The following EDA variants were observed in gnomAD, a reference collection of about 807,000 sequenced individuals.
EDA encodes the protein ectodysplasin-A.
Under a neutral mutation model 23.6 loss-of-function variants are expected in EDA, and 2 were observed. That is an observed-to-expected ratio of 0.08 (90% CI 0.03 to 0.27). EDA has a LOEUF of 0.27. Ranked by LOEUF, EDA falls within the 10% of genes least tolerant of loss-of-function variation. The pLI is 1.00. For missense variants in EDA, 229 were observed against 324.2 expected (o/e 0.71, Z 2.26); for synonymous variants, 131 against 132.0 (o/e 0.99, Z 0.05).
intron 1 of EDA, among the ~76,000 whole-genome samples, chrX:69,935,226 A>G: frequency 8.9e-6 from 1 of 111,968 alleles, no homozygotes; most frequent in Non-Finnish European, 1.9e-5. Flanking sequence ...AATCTTGGCT[A>G]TTGTGAATAG....
intron 1 of EDA, among the ~76,000 whole-genome samples, chrX:69,817,907 AC>A (rs1395171564): frequency 1.8e-5 from 2 of 111,804 alleles, no homozygotes; most frequent in African/African-American, 6.5e-5. Context: ...CCACCTCAAA[AC>A]AACAGAGTAT....
intron 1 of EDA, among the ~76,000 whole-genome samples, chrX:69,648,406 C>T (rs1932990273): frequency 1.8e-5 from 2 of 111,978 alleles, no homozygotes; most frequent in Admixed American, 1.9e-4. Flanking sequence ...CTGAAGCCGC[C>T]ACTGGGAGAT....
chrX:70,008,224 C>T (rs1467128916), intron 2 of EDA, among the ~76,000 whole-genome samples: 2 of 111,980 alleles, frequency 1.8e-5, no homozygotes, highest in Non-Finnish European at 1.9e-5. Context: ...AGTTCCTCAC[C>T]ATTAAATTAG....
At chrX:69,755,308 G>A (rs191268066) in intron 1 of EDA, among the ~76,000 whole-genome samples, 2 of 111,796 alleles carry the variant, frequency 1.8e-5, no homozygotes, top group Admixed American at 9.5e-5. Flanking sequence ...CAGGTCTGTT[G>A]GAGTTTGCTG....
intron 2 of EDA, among the ~76,000 whole-genome samples, chrX:69,996,484 A>G (rs1234745737): frequency 8.9e-6 from 1 of 112,463 alleles, no homozygotes; most frequent in Admixed American, 9.4e-5. Context: ...GGTACCTTCA[A>G]TTTGTAAATT....
intron 1 of EDA, among the ~76,000 whole-genome samples, chrX:69,714,233 T>C (rs919279428): frequency 9.9e-5 from 11 of 111,438 alleles, no homozygotes; most frequent in African/African-American, 3.6e-4. Flanking sequence ...AAGTGTCTCT[T>C]CATGTCTTTT....
intron 1 of EDA, among the ~76,000 whole-genome samples, chrX:69,787,090 T>C (rs1397594822): frequency 1.9e-5 from 2 of 103,348 alleles, no homozygotes; most frequent in African/African-American, 6.9e-5. Context: ...TGAAGTCTGT[T>C]TTATCAGAGA....
At chrX:69,791,703 G>A (rs1602413631) in intron 1 of EDA, among the ~76,000 whole-genome samples, 2 of 111,053 alleles carry the variant, frequency 1.8e-5, no homozygotes, top group Non-Finnish European at 3.8e-5. Context: ...GAGTGCAGTG[G>A]TACTGTCTTG....
intron 1 of EDA, among the ~76,000 whole-genome samples, chrX:69,690,392 T>C (rs1390952202): frequency 2.7e-5 from 3 of 111,540 alleles, no homozygotes; most frequent in African/African-American, 9.8e-5. Context: ...TCCATGTGTA[T>C]TGAGATATTC....
chrX:69,901,642 G>A (rs1254040498), intron 1 of EDA, among the ~76,000 whole-genome samples: 1 of 111,690 alleles, frequency 9.0e-6, no homozygotes, highest in Non-Finnish European at 1.9e-5. Context: ...GACCAAGAAA[G>A]GTAATTTTGA....
chrX:70,002,297 T>G (rs2147478206), intron 2 of EDA, among the ~76,000 whole-genome samples: 2 of 110,567 alleles, frequency 1.8e-5, no homozygotes, highest in East Asian at 5.7e-4. Flanking sequence ...TAACCTAGTT[T>G]TTTTTTCAAA....
chrX:69,789,265 C>T (rs1401556384), intron 1 of EDA, among the ~76,000 whole-genome samples: 2 of 112,256 alleles, frequency 1.8e-5, no homozygotes, highest in African/African-American at 3.2e-5. Context: ...GCATCGCTCA[C>T]ACTGGGAGCT....
chrX:69,738,711 A>ATT (rs1194891426), intron 1 of EDA, among the ~76,000 whole-genome samples: 2 of 109,052 alleles, frequency 1.8e-5, no homozygotes, highest in Admixed American at 2.0e-4. Flanking sequence ...ATCTCAAAAT[A>ATT]TTTTCTAATT....
intron 1 of EDA, among the ~76,000 whole-genome samples, chrX:69,645,594 G>GTGTGTGTATATATATA (rs761843083): frequency 0.38 from 18,840 of 49,683 alleles, 4,490 homozygotes; most frequent in East Asian, 0.89. Context: ...TTATATATAT[G>GTGTGTGTATATATATA]TGTGTGTGTA....
chrX:69,669,704 A>T (rs1308504307), intron 1 of EDA, among the ~76,000 whole-genome samples: 1 of 109,215 alleles, frequency 9.2e-6, no homozygotes, highest in Non-Finnish European at 1.9e-5. Flanking sequence ...CACATGGTAC[A>T]TGTGTAGGTT....
chrX:69,871,394 G>C (rs753818736), intron 1 of EDA, among the ~76,000 whole-genome samples: 1 of 111,659 alleles, frequency 9.0e-6, no homozygotes, highest in South Asian at 3.9e-4. Flanking sequence ...ACAATAGGCT[G>C]TCTGCAAACT....
intron 2 of EDA, among the ~76,000 whole-genome samples, chrX:69,970,925 T>C (rs1316600718): frequency 8.9e-6 from 1 of 111,776 alleles, no homozygotes; most frequent in East Asian, 2.8e-4. Flanking sequence ...TGAGGTATAG[T>C]GTTCAAGCCA....
At chrX:69,788,400 G>GT (rs765237467) in intron 1 of EDA, among the ~76,000 whole-genome samples, 1 of 112,003 alleles carries the variant, frequency 8.9e-6, no homozygotes, top group Non-Finnish European at 1.9e-5. Flanking sequence ...TTTCTGCTCT[G>GT]TTTTTTTCCC....
At chrX:69,818,785 T>G (rs1010280314) in intron 1 of EDA, among the ~76,000 whole-genome samples, 8 of 111,648 alleles carry the variant, frequency 7.2e-5, no homozygotes, top group African/African-American at 2.0e-4. Flanking sequence ...TTCTACCAGA[T>G]GTACAAAGAA....
Sources: allele counts gnomAD v4.1 joint callset (sites outside exome capture counted in the v4.1 genomes callset), GRCh38; gene constraint gnomAD v4.1.1; transcripts MANE v1.5; gene names NCBI Gene and HGNC (gene_info 2026-07-23, HGNC 2026-07-21).